Variants in TENM2 observed in about 807,000 individuals in gnomAD.
TENM2 encodes teneurin-2.
TENM2 carries 52 observed loss-of-function variants against 245.2 expected under a neutral mutation model. The ratio of observed to expected loss-of-function variants is 0.21; its 90% CI spans 0.17 to 0.27. The LOEUF is 0.27. TENM2 is among the 10% of genes least tolerant of loss of function. TENM2 has a pLI of 1.00. For missense variants in TENM2, 3,046 were observed against 3,666.8 expected (o/e 0.83, Z 4.37); for synonymous variants, 1,363 against 1,438.9 (o/e 0.95, Z 1.19).
intron 3 of TENM2, among the ~76,000 whole-genome samples, chr5:167,951,423 G>A (rs555215932): frequency 4.5e-4 from 69 of 152,286 alleles, no homozygotes; most frequent in Non-Finnish European, 7.6e-4. Context: ...CCATTAAAAC[G>A]AAATTATAGG....
intron 2 of TENM2, among the ~76,000 whole-genome samples, chr5:167,549,251 C>T (rs887399249): frequency 6.6e-6 from 1 of 152,012 alleles, no homozygotes; most frequent in African/African-American, 2.4e-5. Context: ...ATGTGAAAGG[C>T]CTTTTTTTCC....
intron 2 of TENM2, among the ~76,000 whole-genome samples, chr5:167,486,720 AT>A (rs970696760): frequency 2.0e-5 from 3 of 151,728 alleles, no homozygotes; most frequent in East Asian, 1.9e-4. Context: ...CAATGTAATG[AT>A]TTTTTTTTCT....
At chr5:167,749,213 T>C (rs1761790034) in intron 2 of TENM2, among the ~76,000 whole-genome samples, 1 of 152,134 alleles carries the variant, frequency 6.6e-6, no homozygotes. Flanking sequence ...TACAAGGCAT[T>C]ATACTAAGAA....
intron 26 of TENM2, among the ~76,000 whole-genome samples, 187 bp from the exon 29 acceptor site, chr5:168,246,570 T>G (rs1365087387): frequency 6.6e-6 from 1 of 152,224 alleles, no homozygotes; most frequent in Non-Finnish European, 1.5e-5. Context: ...AGCACTGGTC[T>G]AGGCAACCAC....
intron 3 of TENM2, among the ~76,000 whole-genome samples, chr5:167,882,593 T>C (rs1205858094): frequency 6.6e-6 from 1 of 152,198 alleles, no homozygotes; most frequent in African/African-American, 2.4e-5. Context: ...CGTACAATCA[T>C]GGCGGAAGGT....
At chr5:167,639,387 T>G (rs184483848) in intron 2 of TENM2, among the ~76,000 whole-genome samples, 51 of 152,332 alleles carry the variant, frequency 3.3e-4, no homozygotes, top group African/African-American at 1.2e-3. Context: ...CATCTTAGCC[T>G]AAATCAGGTC....
the TENM2 span, among the ~76,000 whole-genome samples, chr5:167,196,605 G>A: frequency 4.0e-5 from 6 of 150,120 alleles, no homozygotes; most frequent in Admixed American, 2.0e-4. Context: ...CATCTTAACT[G>A]TAAAATTCTG....
intron 27 of TENM2, among the ~76,000 whole-genome samples, chr5:168,258,362 G>A (rs879612149): frequency 6.6e-6 from 1 of 152,046 alleles, no homozygotes; most frequent in Non-Finnish European, 1.5e-5. Flanking sequence ...TTAGCCGGGT[G>A]TGGTGGCATG....
chr5:167,842,541 A>G (rs905896087), intron 2 of TENM2, among the ~76,000 whole-genome samples: 1 of 143,746 alleles, frequency 7.0e-6, no homozygotes, highest in Non-Finnish European at 1.5e-5. Flanking sequence ...GTCAGCCGAG[A>G]TCATGCCATT....
the TENM2 span, among the ~76,000 whole-genome samples, chr5:167,142,263 C>G: frequency 6.6e-6 from 1 of 152,130 alleles, no homozygotes; most frequent in Non-Finnish European, 1.5e-5. Context: ...CCAACTTGCT[C>G]ACTAAGCTGT....
At chr5:167,468,864 C>G (rs1361436496) in intron 2 of TENM2, among the ~76,000 whole-genome samples, 1 of 152,116 alleles carries the variant, frequency 6.6e-6, no homozygotes, top group African/African-American at 2.4e-5. Context: ...AGAGAAAGCA[C>G]AGTATCATTA....
chr5:167,621,138 G>A (rs928283802), intron 2 of TENM2, among the ~76,000 whole-genome samples: 2 of 152,138 alleles, frequency 1.3e-5, no homozygotes, highest in Non-Finnish European at 2.9e-5. Context: ...TATTATACTC[G>A]GAGCAAAGTC....
the TENM2 span, among the ~76,000 whole-genome samples, chr5:167,049,626 TA>T: frequency 6.6e-6 from 1 of 152,220 alleles, no homozygotes; most frequent in Admixed American, 6.5e-5. Flanking sequence ...AATGTTTTTA[TA>T]ATGTAAACAA....
the TENM2 span, among the ~76,000 whole-genome samples, chr5:167,178,328 A>G: frequency 6.6e-6 from 1 of 152,152 alleles, no homozygotes; most frequent in African/African-American, 2.4e-5. Context: ...GTGTTTATAC[A>G]TTTGGCTTTC....
the TENM2 span, among the ~76,000 whole-genome samples, chr5:167,046,535 G>T: frequency 2.0e-5 from 3 of 152,092 alleles, no homozygotes; most frequent in Admixed American, 6.6e-5. Flanking sequence ...TATTGGTCAG[G>T]TTCTATGGGT....
At chr5:167,051,784 A>C in the TENM2 span, among the ~76,000 whole-genome samples, 7 of 152,026 alleles carry the variant, frequency 4.6e-5, no homozygotes, top group Non-Finnish European at 7.4e-5. Context: ...TTCTCAAAAC[A>C]AATTAGTTTT....
Position 167,316,294 on chromosome 5 carries a change from A to G in TENM2, c.226+31231A>G, listed in dbSNP as rs145362935. On this transcript the variant is annotated intron_variant, in intron 1 of 28. Transcript: ENST00000518659. ...GTTGAGTGAGAGAATGAATGAATGA[A>G]TTGTGAAAGATCACCAATGGATAAA... Among the ~76,000 whole-genome samples the G allele has an allele frequency of 8.4e-3, 1,275 of 152,314 alleles. 8 individuals carry two copies. The highest frequency in any genetic ancestry group is 0.013 in the Non-Finnish European group (887 of 68,018).
At chr5:167,030,089 C>T in the TENM2 span, among the ~76,000 whole-genome samples, 4 of 152,148 alleles carry the variant, frequency 2.6e-5, no homozygotes, top group Non-Finnish European at 4.4e-5. Context: ...CCTAGGTAAT[C>T]GCTGACAACG....
Position 168,254,820 on chromosome 5 carries a change from G to A in TENM2, c.7433-5463G>A, listed in dbSNP as rs568049296. On this transcript the variant is annotated intron_variant, in intron 27 of 28. Transcript: ENST00000518659. Reference sequence around the variant, plus strand: ...CCAGCACTTTGGGAGGCTGAGGCAGGTGGATCACCTGAGGTCAGGAGTTCA... The same window carrying A: ...CCAGCACTTTGGGAGGCTGAGGCAGATGGATCACCTGAGGTCAGGAGTTCA... Among the ~76,000 whole-genome samples the A allele has an allele frequency of 2.6e-5, 4 of 152,312 alleles. No homozygotes were observed. The East Asian group carries it at 7.7e-4, about 29-fold the overall frequency.
Sources: allele counts gnomAD v4.1 joint callset (sites outside exome capture counted in the v4.1 genomes callset), GRCh38; gene constraint gnomAD v4.1.1; transcripts MANE v1.5; gene names NCBI Gene and HGNC (gene_info 2026-07-23, HGNC 2026-07-21).